UNC5CL: variants seen among roughly 807,000 people sequenced by gnomAD.
UNC5CL encodes UNC5C-like protein.
A neutral mutation model predicts 54.1 loss-of-function variants in UNC5CL; 42 were observed. That is an observed-to-expected ratio of 0.78 (90% CI 0.61 to 1.00). The LOEUF (loss-of-function observed/expected upper bound fraction) is 1.00, where lower values mean the gene tolerates loss of function less well. UNC5CL is among the 50% of genes least tolerant of loss of function. UNC5CL has a pLI of 0.00. For synonymous variants in UNC5CL, 285 were observed against 285.1 expected (o/e 1.00, Z 0.00); for missense variants, 619 against 675.6 (o/e 0.92, Z 0.93).
At chr6:41,035,273 GTCTC>G (rs1762511373) in intron 1 of UNC5CL, 138 bp from the exon 2 acceptor site, 2 of 590,610 alleles carry the variant, frequency 3.4e-6, no homozygotes, top group Admixed American at 3.4e-5. Context: ...CTTTTAACCT[GTCTC>G]TCTTACTCGA....
Position 41,030,414 on chromosome 6 carries a change from G to A in UNC5CL, c.1308C>T (p.His436=). 2 of 1,614,088 alleles carry A rather than the reference G, an allele frequency of 1.2e-6. No individual in the cohort carries two copies. Among genetic ancestry groups the A allele is most frequent in the Non-Finnish European group, 1.7e-6 (2 of 1,179,970 alleles). ...GGATCTTCATGCCGCAAAGCCCCAG[G>A]TGGGAGGCCAGTCTGCGCCAGTCAT... ...TGNDWRRLAS[H]LGLCGMKIRF... Residue 436 remains histidine (H), a synonymous_variant, in exon 8 of 9, where the codon CAC becomes CAT. Transcript: ENST00000244565.
At chr6:41,037,607 T>C (rs1172719761) in intron 1 of UNC5CL, among the ~76,000 whole-genome samples, 1 of 152,232 alleles carries the variant, frequency 6.6e-6, no homozygotes, top group Admixed American at 6.5e-5. Context: ...ACTGGGGCAG[T>C]ACCTGTTTCT....
rs372148236 is a variant in UNC5CL, at chr6:41,028,612, G to A, written c.1335-17C>T. On this transcript the variant is annotated splice_polypyrimidine_tract_variant and intron_variant, in intron 8 of 8. Transcript: ENST00000244565. The surrounding 1 kb of genome is among the most constrained non-coding windows in gnomAD (Gnocchi z 4.3). Reference sequence around the variant, plus strand: ...GACAGGAACCTGGCCCGAGGTAGGGGAGGAAGAGAAGGGTGTAGGAGCAGG... The same window carrying A: ...GACAGGAACCTGGCCCGAGGTAGGGAAGGAAGAGAAGGGTGTAGGAGCAGG... 238 of 1,610,162 alleles carry A rather than the reference G, an allele frequency of 1.5e-4. No individual in the cohort carries two copies. In the African/African-American group the frequency reaches 2.7e-3, roughly 18 times the overall value.
rs764664967 is a variant in UNC5CL, at chr6:41,028,565, C to T, written c.1365G>A (p.Ala455=). The T allele has an allele frequency of 6.2e-7, 1 of 1,613,694 alleles. No homozygotes were observed. Among genetic ancestry groups the T allele is most frequent in the Non-Finnish European group, 8.5e-7 (1 of 1,179,994 alleles). The part of the protein sequence containing the change: ...RFLSCQRSPA[A]AILELFEEQN... The stretch of plus-strand genomic sequence containing the variant: ...GCTCCTCAAACAACTCCAGGATGGC[C>T]GCTGCGGGGCTGCGCTGGCAGGACA... The change falls in exon 9 of 9, where the codon GCG becomes GCA. Residue 455 remains alanine, a synonymous_variant. Coordinates refer to ENST00000244565, the MANE Select transcript of UNC5CL (RefSeq NM_173561.3). This position sits in a 1 kb window ranked among gnomAD's most constrained non-coding sequence, Gnocchi z 4.3.
In UNC5CL at chr6:41,028,603, G is replaced by A. The variant is rs778775071; in HGVS notation, c.1335-8C>T. The A allele has an allele frequency of 6.2e-7, 1 of 1,611,396 alleles. No homozygotes were observed. Among genetic ancestry groups the A allele is most frequent in the Admixed American group, 1.7e-5 (1 of 60,000 alleles). ...CGCTGGCAGGACAGGAACCTGGCCC[G>A]AGGTAGGGGAGGAAGAGAAGGGTGT... On this transcript the variant is annotated splice_region_variant and splice_polypyrimidine_tract_variant and intron_variant, in intron 8 of 8. Coordinates refer to ENST00000244565, the MANE Select transcript of UNC5CL (RefSeq NM_173561.3). The surrounding 1 kb of genome is among the most constrained non-coding windows in gnomAD (Gnocchi z 4.3).
At position 41,035,678 on chromosome 6, in the gene UNC5CL, A is replaced by T. The variant is rs1396674809; in HGVS notation, c.-61-543T>A. Among the ~76,000 whole-genome samples the T allele has an allele frequency of 3.3e-5, 5 of 152,230 alleles. No homozygotes were observed. In the East Asian group the frequency reaches 9.6e-4, roughly 29 times the overall value. On this transcript the variant is annotated intron_variant, in intron 1 of 8. Coordinates refer to ENST00000244565, the MANE Select transcript of UNC5CL (RefSeq NM_173561.3). ...AATTACATGCAGTAAGGGGTGGGTT[A>T]TTCAGAAATTTCTAGAAAAAGGAGT... is the stretch of plus-strand genomic sequence containing the variant.
chr6:41,030,594 T>C, intron 7 of UNC5CL, 61 bp downstream of exon 7: 23 of 1,607,438 alleles, frequency 1.4e-5, no homozygotes, highest in Non-Finnish European at 2.0e-5. Flanking sequence ...AGTCACCCTG[T>C]GGGTGCCAGG....
rs1254184343 is a variant in UNC5CL, at chr6:41,034,065, G to A, written c.502C>T (p.Pro168Ser). ...GLVSPVVACG[P>S]HGASFLKPCT... ...GGCTTCAGGAAGGAGGCCCCATGGG[G>A]GCCACATGCCACCACAGGGCTTACC... Residue 168 changes from proline (P) to serine (S), a missense_variant, in exon 3 of 9, where the codon CCC becomes TCC. Transcript: ENST00000244565. The A allele has an allele frequency of 6.2e-7, 1 of 1,614,184 alleles. No homozygotes were observed. The highest frequency in any genetic ancestry group is 8.5e-7 in the Non-Finnish European group (1 of 1,180,016).
intron 6 of UNC5CL, among the ~76,000 whole-genome samples, chr6:41,031,427 G>T (rs1220166035): frequency 2.0e-5 from 3 of 152,186 alleles, no homozygotes; most frequent in African/African-American, 7.2e-5. Flanking sequence ...TGGGAGAAGG[G>T]GTTAAACTAG....
chr6:41,028,206 C>T lies in UNC5CL; in HGVS notation c.*167G>A, dbSNP rs1762409911. ...GCGGGACAGCTCGCGGCCGGAAGGG[C>T]GCGCCTGCTGCTGGGAGGCTGGCGA... On this transcript the variant is annotated 3_prime_UTR_variant, in exon 9 of 9. Transcript: ENST00000244565. The surrounding 1 kb of genome is among the most constrained non-coding windows in gnomAD (Gnocchi z 4.3). 3 of 727,874 alleles carry T rather than the reference C, an allele frequency of 4.1e-6. No individual in the cohort carries two copies. Among genetic ancestry groups the T allele is most frequent in the Non-Finnish European group, 6.5e-6 (3 of 465,020 alleles). The allele number at this position is 727,874 out of a possible 1,614,324, so 45.1% of individuals were successfully genotyped here. A position where few individuals can be genotyped will look rare whatever the true frequency, so the allele number is the denominator to read the frequency against.
chr6:41,032,006 G>C (rs372193854), intron 5 of UNC5CL, 30 bp downstream of exon 5: 1 of 1,604,158 alleles, frequency 6.2e-7, no homozygotes, highest in Non-Finnish European at 8.5e-7. Context: ...AAAGAGAGGG[G>C]AGGAGGTACA....
rs1762484633 is a variant in UNC5CL at position 41,033,873 on chromosome 6, G to A, written c.686+8C>T. Reference sequence around the variant, plus strand: ...GTGTGGGAAGACAGGCCAATGGCATGTGCCTACCTGAAGTGGGAGAGGTGG... The same window carrying A: ...GTGTGGGAAGACAGGCCAATGGCATATGCCTACCTGAAGTGGGAGAGGTGG... On this transcript the variant is annotated splice_region_variant and intron_variant, in intron 3 of 8. Coordinates refer to ENST00000244565, the MANE Select transcript of UNC5CL (RefSeq NM_173561.3). The A allele has an allele frequency of 4.3e-6, 7 of 1,611,418 alleles. No individual in the cohort carries two copies. The highest frequency in any genetic ancestry group is 5.9e-6 in the Non-Finnish European group (7 of 1,178,534).
At chr6:41,030,844 T>C (rs1433975735) in intron 6 of UNC5CL, 89 bp from the exon 7 acceptor site, 1 of 1,191,480 alleles carries the variant, frequency 8.4e-7, no homozygotes, top group Non-Finnish European at 1.2e-6. Flanking sequence ...ATTCCTCATG[T>C]CTCTCCTTCA....
At chr6:41,039,017 C>G (rs1381058451) in intron 1 of UNC5CL, 145 bp downstream of exon 1, 1 of 152,120 alleles carries the variant, frequency 6.6e-6, no homozygotes, top group Non-Finnish European at 1.5e-5. Context: ...TTGGCCAAGT[C>G]CCATTTTCCT....
Position 41,026,906 on chromosome 6 carries a change from A to T in UNC5CL, c.*1467T>A, listed in dbSNP as rs975204680. The T allele has an allele frequency of 6.6e-6, 1 of 152,252 alleles. No homozygotes were observed. The highest frequency in any genetic ancestry group is 1.5e-5 in the Non-Finnish European group (1 of 68,034). 9.4% of individuals were successfully genotyped at this position (152,252 alleles called of 1,614,324 possible). Reference sequence around the variant, plus strand: ...AGGCAATTTTCATATTTTATCATTCATCATAGAAAAAAAGCTTTAATATTT... The same window carrying T: ...AGGCAATTTTCATATTTTATCATTCTTCATAGAAAAAAAGCTTTAATATTT... On this transcript the variant is annotated 3_prime_UTR_variant, in exon 9 of 9. Transcript: ENST00000244565.
chr6:41,036,740 A>T (rs1161519012), intron 1 of UNC5CL, among the ~76,000 whole-genome samples: 1 of 152,040 alleles, frequency 6.6e-6, no homozygotes, highest in East Asian at 1.9e-4. Context: ...CAAAAGCTAA[A>T]AGTGGAAGCA....
rs565658554 is a variant in UNC5CL at position 41,028,396 on chromosome 6, G to A, written c.1534C>T (p.Leu512=). 2 of 1,599,164 alleles carry A rather than the reference G, an allele frequency of 1.3e-6. No homozygotes were observed. The highest frequency in any genetic ancestry group is 1.7e-6 in the Non-Finnish European group (2 of 1,173,168). The change falls in exon 9 of 9, where the codon CTG becomes TTG. Residue 512 remains leucine (L), a synonymous_variant. Coordinates refer to ENST00000244565, the MANE Select transcript of UNC5CL (RefSeq NM_173561.3). This position sits in a 1 kb window ranked among gnomAD's most constrained non-coding sequence, Gnocchi z 4.3. ...GCTCAGAGCTTCTCGTCCAGCTCCAGGCCCTGGTTATCCCGGGCGCCCCCG... is the reference window on the plus strand; with the variant it reads ...GCTCAGAGCTTCTCGTCCAGCTCCAAGCCCTGGTTATCCCGGGCGCCCCCG... ...ERGGARDNQG[L]ELDEKL
intron 3 of UNC5CL, 61 bp from the exon 4 acceptor site, chr6:41,033,207 GC>G: frequency 6.4e-7 from 1 of 1,555,040 alleles, no homozygotes; most frequent in East Asian, 2.3e-5. Flanking sequence ...CCAACACACT[GC>G]CACCAGCCTC....
intron 4 of UNC5CL, among the ~76,000 whole-genome samples, 173 bp downstream of exon 4, chr6:41,032,711 A>G (rs1762469191): frequency 6.6e-6 from 1 of 152,210 alleles, no homozygotes; most frequent in Admixed American, 6.5e-5. Context: ...CTGTGAGCCA[A>G]GATCAAGCCA....
Sources: allele counts gnomAD v4.1 joint callset (sites outside exome capture counted in the v4.1 genomes callset), GRCh38; gene constraint gnomAD v4.1.1; non-coding constraint Gnocchi (gnomAD v3.1); transcripts MANE v1.5; gene names NCBI Gene and HGNC (gene_info 2026-07-23, HGNC 2026-07-21).